The following MGAT4C variants were observed in gnomAD, a reference collection of about 807,000 sequenced individuals.
The protein encoded by MGAT4C is MGAT4 family member C.
Under a neutral mutation model 40.1 loss-of-function variants are expected in MGAT4C, and 19 were observed. The ratio of observed to expected loss-of-function variants is 0.47; its 90% confidence interval spans 0.33 to 0.70. The LOEUF is 0.70. Among genes scored for constraint, MGAT4C ranks in the 30% least tolerant of loss-of-function variants. The probability of loss-of-function intolerance (pLI) is 0.02; values close to 1 mark genes in which losing one functional copy is unlikely to be tolerated. For missense variants in MGAT4C, 491 were observed against 563.2 expected (o/e 0.87, Z 1.30); for synonymous variants, 181 against 187.1 (o/e 0.97, Z 0.27).
chr12:86,751,502 C>T (rs1951231081), intron 1 of MGAT4C, among the ~76,000 whole-genome samples: 1 of 151,888 alleles, frequency 6.6e-6, no homozygotes, highest in African/African-American at 2.4e-5. Flanking sequence ...CTTCCCACTC[C>T]CTGAATCCAG....
intron 3 of MGAT4C, among the ~76,000 whole-genome samples, chr12:86,354,952 G>T (rs1053417938): frequency 6.6e-6 from 1 of 152,190 alleles, no homozygotes; most frequent in Non-Finnish European, 1.5e-5. Context: ...AACCCAAGGG[G>T]GGTGCCACTG....
intron 1 of MGAT4C, among the ~76,000 whole-genome samples, chr12:86,768,561 T>G (rs1183572467): frequency 6.6e-6 from 1 of 151,464 alleles, no homozygotes; most frequent in Middle Eastern, 3.2e-3. Flanking sequence ...CATCGCCAAG[T>G]CAATCCTAAG....
At chr12:86,702,183 T>A (rs1305589847) in intron 2 of MGAT4C, among the ~76,000 whole-genome samples, 1 of 150,716 alleles carries the variant, frequency 6.6e-6, no homozygotes, top group Non-Finnish European at 1.5e-5. Context: ...TGCAAGTGCA[T>A]GCCACCACAC....
chr12:86,789,252 G>A (rs967290897), intron 1 of MGAT4C, among the ~76,000 whole-genome samples: 1 of 152,080 alleles, frequency 6.6e-6, no homozygotes, highest in South Asian at 2.1e-4. Context: ...TGAACACTGT[G>A]TAGATTATCT....
intron 1 of MGAT4C, among the ~76,000 whole-genome samples, chr12:86,192,685 AT>A (rs1889658327): frequency 6.6e-6 from 1 of 152,148 alleles, no homozygotes; most frequent in South Asian, 2.1e-4. Flanking sequence ...ATTGCTTAAT[AT>A]TTTGGGTGAT....
chr12:86,217,759 C>G (rs1433592221), intron 1 of MGAT4C, among the ~76,000 whole-genome samples: 1 of 151,980 alleles, frequency 6.6e-6, no homozygotes, highest in Non-Finnish European at 1.5e-5. Context: ...TAAGAAAAAG[C>G]TATCAAGTAT....
At chr12:85,996,115 T>C (rs186360360) in intron 2 of MGAT4C, among the ~76,000 whole-genome samples, 35 of 152,108 alleles carry the variant, frequency 2.3e-4, no homozygotes, top group African/African-American at 4.1e-4. Flanking sequence ...ATTTAAATCA[T>C]GGACAATATG....
At chr12:86,385,677 T>C (rs1592772817) in intron 3 of MGAT4C, among the ~76,000 whole-genome samples, 1 of 152,156 alleles carries the variant, frequency 6.6e-6, no homozygotes, top group Non-Finnish European at 1.5e-5. Context: ...CACCATGGGA[T>C]TGATGAAGTT....
chr12:86,228,717 C>T (rs1391648463), intron 1 of MGAT4C, among the ~76,000 whole-genome samples: 2 of 151,808 alleles, frequency 1.3e-5, no homozygotes, highest in Non-Finnish European at 2.9e-5. Flanking sequence ...GTATGTAAGA[C>T]TCTAATTTAA....
intron 2 of MGAT4C, among the ~76,000 whole-genome samples, chr12:86,464,407 A>AAATC (rs1450326720): frequency 6.6e-6 from 1 of 152,164 alleles, no homozygotes; most frequent in Non-Finnish European, 1.5e-5. Flanking sequence ...TTTTATATCA[A>AAATC]AATCACTGGA....
intron 1 of MGAT4C, among the ~76,000 whole-genome samples, chr12:86,745,963 A>G (rs774538209): frequency 6.6e-6 from 1 of 151,652 alleles, no homozygotes; most frequent in Non-Finnish European, 1.5e-5. Context: ...AGGGAACATC[A>G]CCATTCTCTG....
At chr12:86,739,088 T>G (rs1170851867) in intron 1 of MGAT4C, among the ~76,000 whole-genome samples, 2 of 125,600 alleles carry the variant, frequency 1.6e-5, no homozygotes, top group Non-Finnish European at 3.2e-5. Flanking sequence ...TTACTCTCCT[T>G]AAGATGGGTA....
At chr12:86,354,440 A>C (rs1272193363) in intron 3 of MGAT4C, among the ~76,000 whole-genome samples, 1 of 152,224 alleles carries the variant, frequency 6.6e-6, no homozygotes, top group Non-Finnish European at 1.5e-5. Flanking sequence ...CTATGTTAGA[A>C]TTATTAGTAG....
At chr12:86,816,609 A>G (rs1017073059) in intron 1 of MGAT4C, among the ~76,000 whole-genome samples, 5 of 151,748 alleles carry the variant, frequency 3.3e-5, no homozygotes, top group Non-Finnish European at 7.4e-5. Context: ...AAAATTAGAT[A>G]AGATAAAAAT....
At chr12:86,305,125 T>G (rs1200861591) in intron 4 of MGAT4C, among the ~76,000 whole-genome samples, 1 of 150,632 alleles carries the variant, frequency 6.6e-6, no homozygotes, top group Non-Finnish European at 1.5e-5. Context: ...TGTCCAACAC[T>G]TCACTTGAAT....
intron 1 of MGAT4C, among the ~76,000 whole-genome samples, chr12:86,199,486 C>T (rs60985774): frequency 0.048 from 7,271 of 151,822 alleles, 570 homozygotes; most frequent in African/African-American, 0.17. Context: ...ATTTTATTTC[C>T]TCATTCATAA....
intron 1 of MGAT4C, among the ~76,000 whole-genome samples, chr12:86,069,796 C>T (rs1894897510): frequency 6.6e-6 from 1 of 152,074 alleles, no homozygotes; most frequent in Admixed American, 6.6e-5. Context: ...TTTAACTCAT[C>T]TCCATTCTTT....
chr12:86,768,949 T>A (rs1460858521), intron 1 of MGAT4C, among the ~76,000 whole-genome samples: 1 of 151,942 alleles, frequency 6.6e-6, no homozygotes, highest in African/African-American at 2.4e-5. Flanking sequence ...ATGCAGGACA[T>A]AGGCATGGGC....
intron 1 of MGAT4C, among the ~76,000 whole-genome samples, chr12:86,122,275 C>G (rs1879489149): frequency 6.6e-6 from 1 of 152,044 alleles, no homozygotes; most frequent in Non-Finnish European, 1.5e-5. Context: ...CATATTCCAC[C>G]ATTCAGGCAC....
Sources: allele counts gnomAD v4.1 joint callset (sites outside exome capture counted in the v4.1 genomes callset), GRCh38; gene constraint gnomAD v4.1.1; transcripts MANE v1.5; gene names NCBI Gene and HGNC (gene_info 2026-07-23, HGNC 2026-07-21).